The following MICAL3 variants were observed in gnomAD, a reference collection of about 807,000 sequenced individuals.
The protein encoded by MICAL3 is [F-actin]-monooxygenase MICAL3.
A neutral mutation model predicts 207.4 loss-of-function variants in MICAL3; 62 were observed. That is an observed-to-expected ratio of 0.30 (90% CI 0.24 to 0.37). The LOEUF is 0.37. MICAL3 is among the 10% of genes least tolerant of loss of function. MICAL3 has a pLI of 1.00. For synonymous variants in MICAL3, 1,077 were observed against 1,069.3 expected (o/e 1.01, Z -0.14); for missense variants, 2,368 against 2,635.6 (o/e 0.90, Z 2.22).
chr22:17,862,445 A>G, intron 19 of MICAL3: 1 of 494,658 alleles, frequency 2.0e-6, no homozygotes. Flanking sequence ...TATTTTTAGT[A>G]GAGACGGGGT....
chr22:17,921,542 G>A (rs1342596752), intron 1 of MICAL3, among the ~76,000 whole-genome samples: 1 of 152,202 alleles, frequency 6.6e-6, no homozygotes, highest in Admixed American at 6.5e-5. Flanking sequence ...AGGCTGGAGT[G>A]CAGTGGTGCG....
chr22:17,878,420 G>A (rs547078372), intron 16 of MICAL3, among the ~76,000 whole-genome samples: 14 of 152,180 alleles, frequency 9.2e-5, no homozygotes, highest in East Asian at 3.9e-4. Flanking sequence ...TCCACTCTCC[G>A]ACCCAGCACC....
chr22:17,874,693 C>T (rs1032995644), intron 16 of MICAL3, among the ~76,000 whole-genome samples: 3 of 152,182 alleles, frequency 2.0e-5, no homozygotes, highest in Admixed American at 6.5e-5. Context: ...GTGGCAATTG[C>T]GGGATCGATC....
intron 1 of MICAL3, among the ~76,000 whole-genome samples, chr22:17,964,345 C>A (rs1935052295): frequency 6.6e-6 from 1 of 152,196 alleles, no homozygotes; most frequent in Admixed American, 6.5e-5. Flanking sequence ...ATATGCAAAG[C>A]CCCGTCTCCC....
intron 1 of MICAL3, among the ~76,000 whole-genome samples, chr22:17,963,808 C>G (rs1418411511): frequency 6.6e-6 from 1 of 152,220 alleles, no homozygotes; most frequent in Admixed American, 6.5e-5. Flanking sequence ...CGATCATTGC[C>G]TTGCAAGGTA....
rs1373762470 is a variant in MICAL3, at chr22:17,841,148, C to A, written c.2801+674G>T. 6.6e-6 allele frequency: 1 copy of A among 152,648 alleles called. No individual in the cohort carries two copies. Among genetic ancestry groups the A allele is most frequent in the African/African-American group, 2.4e-5 (1 of 41,462 alleles). 9.5% of individuals were successfully genotyped at this position (152,648 alleles called of 1,614,324 possible). A position where few individuals can be genotyped will look rare whatever the true frequency, so the allele number is the denominator to read the frequency against. ...CCTGTGTTTCTGTCCTGAAGCCCCA[C>A]AGGACACCGGACCCCCTTTTGATTC... On this transcript the variant is annotated intron_variant, in intron 20 of 31. Transcript: ENST00000441493. The surrounding 1 kb of genome is among the most constrained non-coding windows in gnomAD (Gnocchi z 4.2).
intron 16 of MICAL3, among the ~76,000 whole-genome samples, chr22:17,879,152 T>G (rs1929176859): frequency 6.6e-6 from 1 of 152,206 alleles, no homozygotes; most frequent in African/African-American, 2.4e-5. Context: ...GGGTGACTGC[T>G]TTACAGTGAA....
At chr22:17,997,317 A>G (rs1482687804) in intron 1 of MICAL3, among the ~76,000 whole-genome samples, 1 of 151,450 alleles carries the variant, frequency 6.6e-6, no homozygotes, top group African/African-American at 2.4e-5. Flanking sequence ...GCCCACCTCA[A>G]CCTCCCAAAG....
intron 1 of MICAL3, among the ~76,000 whole-genome samples, chr22:18,000,868 G>T (rs970679079): frequency 6.6e-6 from 1 of 152,200 alleles, no homozygotes; most frequent in Non-Finnish European, 1.5e-5. Flanking sequence ...GGGACGGGGA[G>T]GCCCCGAGGG....
intron 1 of MICAL3, among the ~76,000 whole-genome samples, chr22:18,003,505 T>A (rs1483259374): frequency 6.6e-6 from 1 of 152,170 alleles, no homozygotes; most frequent in African/African-American, 2.4e-5. Context: ...AAAGTGCTCG[T>A]CCCTAACTCA....
intron 20 of MICAL3, 55 bp from the exon 21 acceptor site, chr22:17,832,162 G>A: frequency 6.5e-7 from 1 of 1,533,542 alleles, no homozygotes; most frequent in Non-Finnish European, 8.8e-7. Flanking sequence ...AACTGAGAAG[G>A]GGAAGGGGAA....
intron 1 of MICAL3, among the ~76,000 whole-genome samples, chr22:17,988,134 T>C (rs1304187215): frequency 1.3e-5 from 2 of 152,126 alleles, no homozygotes; most frequent in African/African-American, 4.8e-5. Context: ...CGATATCTCT[T>C]GGGTTTTTCT....
chr22:17,893,058 G>A (rs1930511456), intron 11 of MICAL3, among the ~76,000 whole-genome samples: 1 of 152,190 alleles, frequency 6.6e-6, no homozygotes, highest in Admixed American at 6.5e-5. Context: ...GGAAATCGAA[G>A]TTCAGAGCTA....
intron 20 of MICAL3, among the ~76,000 whole-genome samples, chr22:17,836,681 G>A (rs1475336028): frequency 1.4e-5 from 2 of 147,254 alleles, no homozygotes; most frequent in Non-Finnish European, 3.0e-5. Flanking sequence ...GTCTTGCTCT[G>A]TCACCCAGGC....
intron 1 of MICAL3, among the ~76,000 whole-genome samples, chr22:17,998,460 T>C (rs1922553670): frequency 6.6e-6 from 1 of 151,712 alleles, no homozygotes; most frequent in African/African-American, 2.4e-5. Context: ...CAATTAAGAA[T>C]CAATGAGATA....
Position 17,808,038 on chromosome 22 carries a change from C to A in MICAL3, c.5650+806G>T, listed in dbSNP as rs1043944375. On this transcript the variant is annotated intron_variant, in intron 29 of 31. Coordinates refer to ENST00000441493, the MANE Select transcript of MICAL3 (RefSeq NM_015241.3). Reference sequence around the variant, plus strand: ...TGGCCACTGCACCCCCGGGGCTGGTCCTGCAGCTTCAAGGTCCTGAACCAA... The same window carrying A: ...TGGCCACTGCACCCCCGGGGCTGGTACTGCAGCTTCAAGGTCCTGAACCAA... 3.3e-5 allele frequency among the ~76,000 whole-genome samples: 5 copies of A among 152,264 alleles called. No individual in the cohort carries two copies. The East Asian group carries it at 9.6e-4, about 29-fold the overall frequency.
chr22:17,931,185 C>T (rs1427806892), intron 1 of MICAL3, among the ~76,000 whole-genome samples: 1 of 152,190 alleles, frequency 6.6e-6, no homozygotes, highest in Middle Eastern at 3.2e-3. Context: ...TTATCCCTAA[C>T]TCCCCTGACT....
chr22:17,839,258 ATTT>A (rs58568915), intron 20 of MICAL3, among the ~76,000 whole-genome samples: 2 of 110,382 alleles, frequency 1.8e-5, no homozygotes, highest in East Asian at 2.6e-4. Context: ...CGGGCTCTTC[ATTT>A]TTTTTTTTTT....
intron 19 of MICAL3, chr22:17,860,950 T>A (rs974899181): frequency 1.7e-5 from 17 of 984,066 alleles, no homozygotes; most frequent in Non-Finnish European, 2.1e-5. Flanking sequence ...GTGCAACATA[T>A]AAATAAATAT....
Sources: allele counts gnomAD v4.1 joint callset (sites outside exome capture counted in the v4.1 genomes callset), GRCh38; gene constraint gnomAD v4.1.1; non-coding constraint Gnocchi (gnomAD v3.1); transcripts MANE v1.5; gene names NCBI Gene and HGNC (gene_info 2026-07-23, HGNC 2026-07-21).